The following BTBD9 variants were observed in gnomAD, a reference collection of about 807,000 sequenced individuals.
The protein encoded by BTBD9 is BTB domain containing 9.
Under a neutral mutation model 64.3 loss-of-function variants are expected in BTBD9, and 49 were observed. The observed-to-expected ratio is 0.76, with a 90% CI of 0.61 to 0.97. The LOEUF is 0.97. Ranked by LOEUF, BTBD9 falls within the 50% of genes least tolerant of loss-of-function variation. The pLI is 0.00. For missense variants in BTBD9, 598 were observed against 762.1 expected, an observed-to-expected ratio of 0.78 and a Z score of 2.53; for synonymous variants, 260 against 274.7, an observed-to-expected ratio of 0.95 and a Z score of 0.53.
chr6:38,508,636 C>T (rs898274025), intron 6 of BTBD9, among the ~76,000 whole-genome samples: 1 of 152,176 alleles, frequency 6.6e-6, no homozygotes, highest in Non-Finnish European at 1.5e-5. Flanking sequence ...CAAATGTCTA[C>T]AGGATAAAAT....
chr6:38,459,537 T>C (rs72852662), intron 6 of BTBD9, among the ~76,000 whole-genome samples: 405 of 152,310 alleles, frequency 2.7e-3, no homozygotes, highest in Non-Finnish European at 4.5e-3. Context: ...AGCTACATGT[T>C]CCAGATAGTA....
intron 6 of BTBD9, among the ~76,000 whole-genome samples, chr6:38,389,371 T>G (rs1766314116): frequency 6.6e-6 from 1 of 152,234 alleles, no homozygotes; most frequent in Admixed American, 6.5e-5. Context: ...ACTTTCTTCT[T>G]TGTACATTCC....
intron 7 of BTBD9, among the ~76,000 whole-genome samples, chr6:38,335,908 A>G (rs943882044): frequency 3.7e-4 from 56 of 151,184 alleles, no homozygotes; most frequent in Admixed American, 2.8e-3. Flanking sequence ...TAATTTTTGT[A>G]TTTTTTTGTA....
rs370373745 is a variant in BTBD9, at chr6:38,203,424, G to T, written c.1563-10827C>A. On this transcript the variant is annotated intron_variant, in intron 9 of 10. Coordinates refer to ENST00000481247, the MANE Select transcript of BTBD9 (RefSeq NM_001099272.2). Reference sequence around the variant, plus strand: ...TATCTATCCAAAAAAAAAGAAATCAGTATTTCAAAGGGATATCTGCACTCA... The same window carrying T: ...TATCTATCCAAAAAAAAAGAAATCATTATTTCAAAGGGATATCTGCACTCA... 2.2e-3 allele frequency among the ~76,000 whole-genome samples: 337 copies of T among 152,194 alleles called. 4 individuals carry two copies. The highest frequency in any genetic ancestry group is 7.8e-3 in the African/African-American group (324 of 41,544).
intron 6 of BTBD9, among the ~76,000 whole-genome samples, chr6:38,435,086 C>T (rs556649582): frequency 1.4e-5 from 2 of 147,788 alleles, no homozygotes; most frequent in South Asian, 4.3e-4. Flanking sequence ...CCCAGCTACT[C>T]GGGAGGCTGA....
At position 38,292,476 on chromosome 6, in the gene BTBD9, T is replaced by C. The variant is rs140604616; in HGVS notation, c.1265-4015A>G. On this transcript the variant is annotated intron_variant, in intron 7 of 10. Coordinates refer to ENST00000481247, the MANE Select transcript of BTBD9 (RefSeq NM_001099272.2). The stretch of plus-strand genomic sequence containing the variant: ...TTTTTTTTGGTTGGTAGGCTATTAA[T>C]TACTGCCTCAATTTCAGAATTTGTT... Among the ~76,000 whole-genome samples, 311 of 152,344 alleles carry C rather than the reference T, an allele frequency of 2.0e-3. 3 individuals carry two copies. The highest frequency in any genetic ancestry group is 3.4e-3 in the Middle Eastern group (1 of 294).
intron 6 of BTBD9, among the ~76,000 whole-genome samples, chr6:38,554,079 A>G (rs1464441768): frequency 1.3e-5 from 2 of 152,200 alleles, no homozygotes; most frequent in African/African-American, 2.4e-5. Flanking sequence ...TTCAGCATCT[A>G]AGAAGGTAAA....
At chr6:38,258,826 C>A (rs1419817903) in intron 8 of BTBD9, among the ~76,000 whole-genome samples, 1 of 152,146 alleles carries the variant, frequency 6.6e-6, no homozygotes, top group Non-Finnish European at 1.5e-5. Context: ...GGAGGCGGAG[C>A]TTGCAGTGAG....
chr6:38,524,783 G>C (rs959873134), intron 6 of BTBD9, among the ~76,000 whole-genome samples: 1 of 152,100 alleles, frequency 6.6e-6, no homozygotes, highest in African/African-American at 2.4e-5. Context: ...AAAGAGTTTT[G>C]AACTCTGCCC....
At chr6:38,547,192 G>A (rs971563431) in intron 6 of BTBD9, among the ~76,000 whole-genome samples, 3 of 152,130 alleles carry the variant, frequency 2.0e-5, no homozygotes, top group Non-Finnish European at 4.4e-5. Flanking sequence ...ATGTGACAAT[G>A]TCCTCTAAGT....
intron 1 of BTBD9, among the ~76,000 whole-genome samples, chr6:38,616,636 C>A (rs895295475): frequency 6.6e-6 from 1 of 151,956 alleles, no homozygotes. Context: ...GTAAAATGCA[C>A]GAATCAGCAG....
At chr6:38,402,215 C>T (rs931652749) in intron 6 of BTBD9, among the ~76,000 whole-genome samples, 3 of 152,088 alleles carry the variant, frequency 2.0e-5, no homozygotes, top group African/African-American at 7.2e-5. Context: ...AATGGAAAGA[C>T]ATTCTGTGTT....
At chr6:38,567,446 A>G (rs554296781) in intron 6 of BTBD9, among the ~76,000 whole-genome samples, 1 of 152,330 alleles carries the variant, frequency 6.6e-6, no homozygotes, top group African/African-American at 2.4e-5. Context: ...TAAAGAAAAT[A>G]TTACAGCTCT....
intron 8 of BTBD9, among the ~76,000 whole-genome samples, chr6:38,268,066 C>T (rs1166464179): frequency 6.6e-6 from 1 of 152,210 alleles, no homozygotes; most frequent in Non-Finnish European, 1.5e-5. Flanking sequence ...GTCACTTATT[C>T]CTGTACAATA....
rs377463284 is a variant in BTBD9, at chr6:38,543,862, C to G, written c.1154+33738G>C. ...GTCCCAGCTACTTGGGAGGCTGAGG[C>G]AGGAGAATGGCATGAACCTGGGAGG... On this transcript the variant is annotated intron_variant, in intron 6 of 10. Transcript: ENST00000481247. Among the ~76,000 whole-genome samples the G allele has an allele frequency of 2.4e-4, 37 of 151,230 alleles. 1 individual carries two copies. The highest frequency in any genetic ancestry group is 4.3e-4 in the Non-Finnish European group (29 of 67,908).
chr6:38,391,967 G>A (rs1211421484), intron 6 of BTBD9, among the ~76,000 whole-genome samples: 1 of 152,152 alleles, frequency 6.6e-6, no homozygotes, highest in East Asian at 1.9e-4. Context: ...GATACCCCAG[G>A]CAGTCTATTT....
chr6:38,310,613 C>T (rs997013929), intron 7 of BTBD9, among the ~76,000 whole-genome samples: 1 of 152,084 alleles, frequency 6.6e-6, no homozygotes. Context: ...TAATGACCTA[C>T]ATTCAGTGCT....
intron 6 of BTBD9, among the ~76,000 whole-genome samples, chr6:38,538,783 C>G (rs1774136307): frequency 6.8e-6 from 1 of 147,024 alleles, no homozygotes; most frequent in African/African-American, 2.5e-5. Context: ...TTTTCTTTTT[C>G]TTTTTTTTTT....
At chr6:38,563,806 GAGT>G (rs1775353830) in intron 6 of BTBD9, among the ~76,000 whole-genome samples, 1 of 141,588 alleles carries the variant, frequency 7.1e-6, no homozygotes, top group Non-Finnish European at 1.5e-5. Context: ...TTTTGAGACG[GAGT>G]CCTGCTCTGT....
Sources: gnomAD v4.1 joint callset for allele counts (sites outside exome capture counted in the v4.1 genomes callset) on GRCh38, gnomAD v4.1.1 for gene constraint, MANE v1.5 for transcripts, NCBI Gene and HGNC (gene_info 2026-07-23, HGNC 2026-07-21) for gene names.